Variants in LONRF1 observed in about 807,000 individuals in gnomAD.
The protein encoded by LONRF1 is LON peptidase N-terminal domain and RING finger protein 1.
Under a neutral mutation model 85.8 loss-of-function variants are expected in LONRF1, and 37 were observed. That is an observed-to-expected ratio of 0.43 (90% CI 0.33 to 0.57). The LOEUF is 0.57. Among genes scored for constraint, LONRF1 ranks in the 20% least tolerant of loss-of-function variants. The pLI is 0.04. For synonymous variants in LONRF1, 517 were observed against 390.1 expected, an observed-to-expected ratio of 1.33 and a Z score of -3.83; for missense variants, 1,036 against 978.0, an observed-to-expected ratio of 1.06 and a Z score of -0.79.
Position 12,740,867 on chromosome 8 carries a change from T to C in LONRF1, c.963+7A>G, listed in dbSNP as rs920944678. The C allele has an allele frequency of 6.2e-7, 1 of 1,612,958 alleles. No homozygotes were observed. On this transcript the variant is annotated splice_region_variant and intron_variant, in intron 3 of 11. Transcript: ENST00000398246. The stretch of plus-strand genomic sequence containing the variant: ...CCATGAACTGTAATTGTTGGTAAAC[T>C]GATTACCTTTTGTACTTGCAGCTTT...
chr8:12,729,048 A>G lies in LONRF1; in HGVS notation c.1863T>C (p.Gly621=), dbSNP rs749092109. The G allele has an allele frequency of 6.2e-7, 1 of 1,613,908 alleles. No homozygotes were observed. The highest frequency in any genetic ancestry group is 8.5e-7 in the Non-Finnish European group (1 of 1,179,884). ...SDTQNSFADY[G]CMLQIRNVHF... ...GCACGTTTCTAATTTGTAACATACAACCATAATCTGCAAAACTAAAAGAAA... is the reference window on the plus strand; with the variant it reads ...GCACGTTTCTAATTTGTAACATACAGCCATAATCTGCAAAACTAAAAGAAA... Residue 621 remains glycine, a synonymous_variant, in exon 10 of 12, where the codon GGT becomes GGC. Coordinates refer to ENST00000398246, the MANE Select transcript of LONRF1 (RefSeq NM_152271.5).
chr8:12,735,790 A>C (rs958653138), intron 6 of LONRF1, among the ~76,000 whole-genome samples: 2 of 152,186 alleles, frequency 1.3e-5, no homozygotes, highest in Admixed American at 1.3e-4. Context: ...AAAAATCATT[A>C]GTTAGCTTTT....
In LONRF1 at chr8:12,726,050, T is replaced by C. The variant is rs1585219330; in HGVS notation, c.2011-171A>G. 15 of 576,522 alleles carry C rather than the reference T, an allele frequency of 2.6e-5. No individual in the cohort carries two copies. In the East Asian group the frequency reaches 4.0e-4, roughly 15 times the overall value. 35.7% of individuals were successfully genotyped at this position (576,522 alleles called of 1,614,324 possible). A position where few individuals can be genotyped will look rare whatever the true frequency, so the allele number is the denominator to read the frequency against. On this transcript the variant is annotated intron_variant, in intron 10 of 11. Transcript: ENST00000398246. Reference sequence around the variant, plus strand: ...CTTTAATACACATTTCTGTCTCATATAGGGCTGACCAGACTAAAGAAAGAC... The same window carrying C: ...CTTTAATACACATTTCTGTCTCATACAGGGCTGACCAGACTAAAGAAAGAC...
chr8:12,743,257 A>G lies in LONRF1; in HGVS notation c.747T>C (p.Ile249=). ...GACCAGCATATGATTCCGCTCTGTA[A>G]ATTTTTACAATCAAGTCACTGGGTT... is the stretch of plus-strand genomic sequence containing the variant. ...RAEPSDLIVK[I]YRAESYAGLQ... Residue 249 remains isoleucine, a synonymous_variant, in exon 2 of 12, where the codon ATT becomes ATC. Transcript: ENST00000398246. The G allele has an allele frequency of 6.2e-7, 1 of 1,608,928 alleles. No homozygotes were observed. The highest frequency in any genetic ancestry group is 8.5e-7 in the Non-Finnish European group (1 of 1,176,382).
At chr8:12,743,039 T>C in intron 2 of LONRF1, 125 bp downstream of exon 2, 1 of 685,896 alleles carries the variant, frequency 1.5e-6, no homozygotes, top group Non-Finnish European at 2.6e-6. Flanking sequence ...CCTATATTTC[T>C]AGAGCACTAG....
intron 1 of LONRF1, among the ~76,000 whole-genome samples, chr8:12,746,912 C>T (rs1799181108): frequency 6.6e-6 from 1 of 152,172 alleles, no homozygotes; most frequent in Non-Finnish European, 1.5e-5. Flanking sequence ...GTGCATAGTA[C>T]TTAGAACAGG....
chr8:12,743,805 G>A (rs1182913496), intron 1 of LONRF1, among the ~76,000 whole-genome samples: 1 of 152,140 alleles, frequency 6.6e-6, no homozygotes, highest in African/African-American at 2.4e-5. Flanking sequence ...GGGTTAATAA[G>A]AGTCAGCTTT....
chr8:12,724,858 T>A (rs1405839712), intron 11 of LONRF1, among the ~76,000 whole-genome samples: 1 of 152,228 alleles, frequency 6.6e-6, no homozygotes, highest in Non-Finnish European at 1.5e-5. Flanking sequence ...TGTTGGTGTT[T>A]CAAGTTCAGG....
At chr8:12,745,840 C>T (rs1238615785) in intron 1 of LONRF1, among the ~76,000 whole-genome samples, 2 of 152,132 alleles carry the variant, frequency 1.3e-5, no homozygotes, top group Non-Finnish European at 2.9e-5. Flanking sequence ...TATTCTAAAT[C>T]ACTTAATATC....
At chr8:12,732,128 C>A (rs868606056) in intron 7 of LONRF1, among the ~76,000 whole-genome samples, 1 of 152,196 alleles carries the variant, frequency 6.6e-6, no homozygotes, top group East Asian at 1.9e-4. Flanking sequence ...CTCTATTAGC[C>A]GCAGAGGGCC....
chr8:12,755,377 C>A lies in LONRF1; in HGVS notation c.44G>T (p.Arg15Leu). Residue 15 changes from arginine (R) to leucine (L), a missense_variant, in exon 1 of 12, where the codon CGG (arginine) becomes CTG (leucine). Arg to Leu is a moderately radical substitution (Grantham distance 102, BLOSUM62 -2). This residue lies in a region of LONRF1 where 742 missense variants were observed against 614.4 expected (regional missense o/e 1.21). Coordinates refer to ENST00000398246, the MANE Select transcript of LONRF1 (RefSeq NM_152271.5). ...AVARTSPGGS[R>L]EMAPAPQGRG... ...GCCCTGCGGCGCTGGGGCCATCTCC[C>A]GACTCCCTCCTGGGGAGGTCCTCGC... 8.3e-7 allele frequency: 1 copy of A among 1,202,190 alleles called. No individual in the cohort carries two copies. Among genetic ancestry groups the A allele is most frequent in the Non-Finnish European group, 1.0e-6 (1 of 967,746 alleles). 74.5% of individuals were successfully genotyped at this position (1,202,190 alleles called of 1,614,324 possible).
At chr8:12,724,651 G>T (rs1406657399) in intron 11 of LONRF1, among the ~76,000 whole-genome samples, 3 of 152,166 alleles carry the variant, frequency 2.0e-5, no homozygotes, top group Non-Finnish European at 2.9e-5. Flanking sequence ...AAAAGGCAAG[G>T]GTGGTGAAGG....
Position 12,722,996 on chromosome 8 carries a change from A to C in LONRF1, c.*100T>G. 1.0e-5 allele frequency: 12 copies of C among 1,169,874 alleles called. No individual in the cohort carries two copies. The highest frequency in any genetic ancestry group is 1.3e-5 in the Non-Finnish European group (11 of 843,632). The allele number at this position is 1,169,874 out of a possible 1,614,324, so 72.5% of individuals were successfully genotyped here. A position where few individuals can be genotyped will look rare whatever the true frequency, so the allele number is the denominator to read the frequency against. ...TCGAAGGAAAAAGAAAAGTTTCATT[A>C]AATTTCTGAAACCAGCACTAGATGT... On this transcript the variant is annotated 3_prime_UTR_variant, in exon 12 of 12. Coordinates refer to ENST00000398246, the MANE Select transcript of LONRF1 (RefSeq NM_152271.5).
intron 2 of LONRF1, among the ~76,000 whole-genome samples, chr8:12,741,496 G>A (rs1040352849): frequency 6.6e-6 from 1 of 152,104 alleles, no homozygotes; most frequent in Admixed American, 6.5e-5. Flanking sequence ...GGGAACTGAG[G>A]CCCAGACAAT....
intron 1 of LONRF1, among the ~76,000 whole-genome samples, chr8:12,748,476 C>G (rs902459791): frequency 2.0e-5 from 3 of 152,176 alleles, no homozygotes; most frequent in African/African-American, 7.2e-5. Context: ...GCATTATATG[C>G]ATGAGCCACC....
intron 4 of LONRF1, 33 bp from the exon 5 acceptor site, chr8:12,737,173 T>A: frequency 6.2e-7 from 1 of 1,602,906 alleles, no homozygotes; most frequent in South Asian, 1.1e-5. Flanking sequence ...GGTAACTGTA[T>A]TTCTTTACTA....
intron 1 of LONRF1, among the ~76,000 whole-genome samples, chr8:12,751,305 T>TTGTTTGG (rs763305176): frequency 2.9e-5 from 2 of 69,744 alleles, no homozygotes; most frequent in Non-Finnish European, 4.0e-5. Context: ...TGTTTTTTTT[T>TTGTTTGG]TTTTTTTTTT....
At chr8:12,727,982 TAAC>T (rs1798385000) in intron 10 of LONRF1, among the ~76,000 whole-genome samples, 1 of 152,232 alleles carries the variant, frequency 6.6e-6, no homozygotes, top group South Asian at 2.1e-4. Context: ...GCAAATTAAT[TAAC>T]ACCTCTGAAT....
At chr8:12,737,825 A>G (rs1177295300) in intron 4 of LONRF1, among the ~76,000 whole-genome samples, 170 bp downstream of exon 4, 2 of 152,238 alleles carry the variant, frequency 1.3e-5, no homozygotes, top group Admixed American at 6.5e-5. Context: ...AATATTTTAC[A>G]TAAAAGATTT....
Sources: gnomAD v4.1 joint callset for allele counts (sites outside exome capture counted in the v4.1 genomes callset) on GRCh38, gnomAD v4.1.1 for gene constraint, gnomAD v4.1.1 regional missense constraint, MANE v1.5 for transcripts, NCBI Gene and HGNC (gene_info 2026-07-23, HGNC 2026-07-21) for gene names.